DIAPH3: variants seen among roughly 807,000 people sequenced by gnomAD.
DIAPH3 encodes protein diaphanous homolog 3.
A neutral mutation model predicts 144.3 loss-of-function variants in DIAPH3; 117 were observed. That is an observed-to-expected ratio of 0.81 (90% CI 0.70 to 0.95). DIAPH3 has a LOEUF of 0.95. Among genes scored for constraint, DIAPH3 ranks in the 40% least tolerant of loss-of-function variants. DIAPH3 has a pLI of 0.00. For missense variants in DIAPH3, 1,421 were observed against 1,412.7 expected, an observed-to-expected ratio of 1.01 and a Z score of -0.09; for synonymous variants, 519 against 488.9, an observed-to-expected ratio of 1.06 and a Z score of -0.81.
intron 5 of DIAPH3, among the ~76,000 whole-genome samples, chr13:60,041,010 C>T (rs531477803): frequency 6.6e-5 from 10 of 152,172 alleles, no homozygotes; most frequent in African/African-American, 2.4e-4. Flanking sequence ...GACGGGGTTT[C>T]GCCATGTTAG....
At chr13:59,767,376 ATG>A (rs1481668900) in intron 27 of DIAPH3, among the ~76,000 whole-genome samples, 1 of 152,224 alleles carries the variant, frequency 6.6e-6, no homozygotes, top group Non-Finnish European at 1.5e-5. Flanking sequence ...AACAGAGACA[ATG>A]TGTAACAAAT....
At chr13:59,963,345 T>C (rs1474894823) in intron 17 of DIAPH3, among the ~76,000 whole-genome samples, 1 of 152,214 alleles carries the variant, frequency 6.6e-6, no homozygotes, top group Non-Finnish European at 1.5e-5. Flanking sequence ...TTCTAAAATA[T>C]ATAATAAAGT....
At position 59,763,552 on chromosome 13, in the gene DIAPH3, T is replaced by C. The variant is rs1422563274; in HGVS notation, c.3319+10637A>G. Among the ~76,000 whole-genome samples, 6 of 152,172 alleles carry C rather than the reference T, an allele frequency of 3.9e-5. No individual in the cohort carries two copies. The East Asian group carries it at 9.7e-4, about 25-fold the overall frequency. On this transcript the variant is annotated intron_variant, in intron 27 of 27. Coordinates refer to ENST00000400324, the MANE Select transcript of DIAPH3 (RefSeq NM_001042517.2). ...TAAAAAAATTAGCTAGGCATGGTGGTACGTGCCTGTAGTCCCAGCTACTCG... is the reference window on the plus strand; with the variant it reads ...TAAAAAAATTAGCTAGGCATGGTGGCACGTGCCTGTAGTCCCAGCTACTCG...
intron 3 of DIAPH3, among the ~76,000 whole-genome samples, chr13:60,099,807 T>C (rs769933897): frequency 5.3e-5 from 8 of 151,912 alleles, no homozygotes; most frequent in Non-Finnish European, 1.2e-4. Flanking sequence ...GTACAATACT[T>C]GGAAAGCTTT....
chr13:59,841,792 C>T (rs1442640867), intron 22 of DIAPH3, among the ~76,000 whole-genome samples: 9 of 151,864 alleles, frequency 5.9e-5, no homozygotes, highest in African/African-American at 1.7e-4. Context: ...TGTCAGGTAC[C>T]GTCTTAAGTG....
At position 60,084,205 on chromosome 13, in the gene DIAPH3, C is replaced by T. The variant is rs573499125; in HGVS notation, c.495+9423G>A. On this transcript the variant is annotated intron_variant, in intron 4 of 27. Transcript: ENST00000400324. Reference sequence around the variant, plus strand: ...AACTGAAGAAAGGTTTAGCATGGGACGGGGCAGATGGAGGGCTTTCCAGGA... The same window carrying T: ...AACTGAAGAAAGGTTTAGCATGGGATGGGGCAGATGGAGGGCTTTCCAGGA... 9.2e-5 allele frequency among the ~76,000 whole-genome samples: 14 copies of T among 152,086 alleles called. No individual in the cohort carries two copies. In the East Asian group the frequency reaches 1.5e-3, roughly 17 times the overall value.
chr13:59,841,719 A>G (rs529624360), intron 22 of DIAPH3, among the ~76,000 whole-genome samples: 1 of 152,336 alleles, frequency 6.6e-6, no homozygotes, highest in East Asian at 1.9e-4. Context: ...TATTAGTAGC[A>G]GTGACAATAA....
At chr13:59,742,005 C>T (rs912190388) in intron 27 of DIAPH3, among the ~76,000 whole-genome samples, 12 of 152,280 alleles carry the variant, frequency 7.9e-5, no homozygotes, top group African/African-American at 2.6e-4. Context: ...TTCCACACGG[C>T]TGGGGAGGCC....
chr13:59,784,145 C>T (rs185369265), intron 25 of DIAPH3, among the ~76,000 whole-genome samples: 96 of 149,992 alleles, frequency 6.4e-4, no homozygotes, highest in African/African-American at 2.3e-3. Context: ...TGCAGTGGCG[C>T]GATCTCGGCT....
At chr13:59,983,001 C>A (rs2670479) in intron 13 of DIAPH3, among the ~76,000 whole-genome samples, 1 of 151,358 alleles carries the variant, frequency 6.6e-6, no homozygotes, top group Non-Finnish European at 1.5e-5. Context: ...CTCAAATTTT[C>A]TCATTGGCAG....
chr13:60,053,936 T>G (rs2056459513), intron 4 of DIAPH3, among the ~76,000 whole-genome samples: 1 of 152,100 alleles, frequency 6.6e-6, no homozygotes, highest in South Asian at 2.1e-4. Flanking sequence ...ACAATGACCT[T>G]CTTTATCTGC....
chr13:59,774,098 T>C, intron 27 of DIAPH3, 91 bp downstream of exon 27: 1 of 1,285,924 alleles, frequency 7.8e-7, no homozygotes, highest in Non-Finnish European at 1.1e-6. Context: ...ATATTGGAAC[T>C]TGAGAATTTC....
intron 27 of DIAPH3, among the ~76,000 whole-genome samples, chr13:59,725,933 T>C (rs1344981485): frequency 6.6e-6 from 1 of 152,218 alleles, no homozygotes; most frequent in African/African-American, 2.4e-5. Flanking sequence ...AATAGCATCA[T>C]ATGCTTTGAT....
chr13:59,900,795 C>A (rs992201038), intron 20 of DIAPH3, among the ~76,000 whole-genome samples: 2 of 152,170 alleles, frequency 1.3e-5, no homozygotes, highest in African/African-American at 4.8e-5. Context: ...ATGCATGCTT[C>A]ATATGTCCAC....
intron 25 of DIAPH3, among the ~76,000 whole-genome samples, chr13:59,805,391 TTAC>T (rs1213904439): frequency 6.6e-6 from 1 of 152,068 alleles, no homozygotes; most frequent in Non-Finnish European, 1.5e-5. Flanking sequence ...CATAAAATTA[TTAC>T]TACTACTTGC....
At chr13:59,739,188 G>A (rs1472617343) in intron 27 of DIAPH3, among the ~76,000 whole-genome samples, 1 of 152,144 alleles carries the variant, frequency 6.6e-6, no homozygotes, top group East Asian at 1.9e-4. Flanking sequence ...TTTGCGTTTT[G>A]TTAAGAATGT....
intron 5 of DIAPH3, among the ~76,000 whole-genome samples, chr13:60,036,731 T>G (rs934537101): frequency 1.3e-5 from 2 of 152,154 alleles, no homozygotes; most frequent in African/African-American, 4.8e-5. Context: ...TTTTAATAAG[T>G]TTTTATAACT....
At chr13:59,766,425 T>C (rs1221586147) in intron 27 of DIAPH3, among the ~76,000 whole-genome samples, 1 of 152,186 alleles carries the variant, frequency 6.6e-6, no homozygotes, top group African/African-American at 2.4e-5. Flanking sequence ...CCAGAGACTA[T>C]GACTTTAAGG....
Position 59,666,724 on chromosome 13 carries a change from T to C in DIAPH3, c.3442A>G (p.Arg1148Gly), listed in dbSNP as rs184980569. 6.2e-7 allele frequency: 1 copy of C among 1,614,192 alleles called. No individual in the cohort carries two copies. The highest frequency in any genetic ancestry group is 2.2e-5 in the East Asian group (1 of 44,876). Reference sequence around the variant, plus strand: ...TCCTTCTTCTCAGCTGCCTTGATCCTCCCAGTAGACGTATGAGTGTCTAGA... The same window carrying C: ...TCCTTCTTCTCAGCTGCCTTGATCCCCCCAGTAGACGTATGAGTGTCTAGA... Reference protein sequence around the residue: ...YNLDTHTSTGRIKAAEKKEAC... With the variant: ...YNLDTHTSTGGIKAAEKKEAC... Residue 1148 changes from arginine to glycine, a missense_variant, in exon 28 of 28, where the codon AGG (arginine) becomes GGG (glycine). By Grantham distance (125) the Arg-to-Gly change is moderately radical (BLOSUM62 -2). Transcript: ENST00000400324.
Sources: allele counts gnomAD v4.1 joint callset (sites outside exome capture counted in the v4.1 genomes callset), GRCh38; gene constraint gnomAD v4.1.1; transcripts MANE v1.5; gene names NCBI Gene and HGNC (gene_info 2026-07-23, HGNC 2026-07-21).